Variants in RPRD1A observed in about 807,000 individuals in gnomAD.
RPRD1A encodes regulation of nuclear pre-mRNA domain containing 1A, also known as regulation of nuclear pre-mRNA domain-containing protein 1A.
RPRD1A carries 9 observed loss-of-function variants against 37.8 expected under a neutral mutation model. The ratio of observed to expected loss-of-function variants is 0.24; its 90% CI spans 0.14 to 0.42. The LOEUF (loss-of-function observed/expected upper bound fraction) is 0.42. Among genes scored for constraint, RPRD1A ranks in the 10% least tolerant of loss-of-function variants. The pLI is 1.00. For missense variants in RPRD1A, 255 were observed against 371.0 expected (o/e 0.69, Z 2.57); for synonymous variants, 138 against 139.7 (o/e 0.99, Z 0.08).
chr18:36,057,753 C>T (rs998092872), intron 1 of RPRD1A, among the ~76,000 whole-genome samples: 5 of 152,192 alleles, frequency 3.3e-5, no homozygotes, highest in African/African-American at 1.2e-4. Flanking sequence ...ATGATTACAA[C>T]AGCTAAAACC....
At chr18:36,049,537 G>A (rs935880735) in intron 1 of RPRD1A, among the ~76,000 whole-genome samples, 3 of 152,232 alleles carry the variant, frequency 2.0e-5, no homozygotes, top group South Asian at 4.1e-4. Flanking sequence ...GACTACTCTA[G>A]GTGTCTCATA....
intron 1 of RPRD1A, among the ~76,000 whole-genome samples, chr18:36,066,743 C>T (rs1338798757): frequency 1.3e-5 from 2 of 152,152 alleles, no homozygotes; most frequent in African/African-American, 4.8e-5. Context: ...CAATTGAGAC[C>T]CTCTAAAATC....
intron 1 of RPRD1A, among the ~76,000 whole-genome samples, chr18:36,064,599 G>C (rs74788048): frequency 6.6e-6 from 1 of 151,964 alleles, no homozygotes; most frequent in Non-Finnish European, 1.5e-5. Context: ...AATCAGTGCT[G>C]TGTGTCTCGC....
chr18:36,058,290 G>A (rs145030548), intron 1 of RPRD1A, among the ~76,000 whole-genome samples: 2,074 of 152,110 alleles, frequency 0.014, 55 homozygotes, highest in African/African-American at 0.047. Context: ...CAATCCACCC[G>A]CCTCAGCCTC....
intron 1 of RPRD1A, among the ~76,000 whole-genome samples, chr18:36,050,851 T>TTCTTC (rs909750387): frequency 9.2e-5 from 13 of 141,356 alleles, no homozygotes; most frequent in Non-Finnish European, 1.8e-4. Context: ...GAATCAATTT[T>TTCTTC]TCTTTTCTTT....
chr18:36,007,502 GAGA>G lies in RPRD1A; in HGVS notation c.790-14205_790-14203del, dbSNP rs546319843. ...CCAGTGATCGGAATGCAGGGATTCA[GAGA>G]AGGACACTGCTTCTTTACATCTCAC... is the stretch of plus-strand genomic sequence containing the variant. On this transcript the variant is annotated intron_variant, in intron 6 of 6. Transcript: ENST00000399022. 1.1e-3 allele frequency among the ~76,000 whole-genome samples: 175 copies of G among 152,322 alleles called. 1 individual carries two copies. Among genetic ancestry groups the G allele is most frequent in the African/African-American group, 4.1e-3 (170 of 41,578 alleles).
intron 6 of RPRD1A, among the ~76,000 whole-genome samples, chr18:35,995,150 C>T (rs1908952603): frequency 6.6e-6 from 1 of 151,636 alleles, no homozygotes; most frequent in Admixed American, 6.6e-5. Context: ...CCACTTTTTT[C>T]TTATGAAAAT....
intron 2 of RPRD1A, among the ~76,000 whole-genome samples, chr18:36,033,086 G>A (rs1317864450): frequency 2.0e-5 from 3 of 151,904 alleles, no homozygotes; most frequent in East Asian, 1.9e-4. Context: ...GGTGGATCAC[G>A]AGGTCAGGAG....
At chr18:36,003,992 G>C (rs775256493) in intron 6 of RPRD1A, among the ~76,000 whole-genome samples, 3 of 141,824 alleles carry the variant, frequency 2.1e-5, no homozygotes, top group Non-Finnish European at 4.5e-5. Context: ...CAGACAGACA[G>C]ACACAGACTT....
chr18:35,996,788 G>A (rs1909090335), intron 6 of RPRD1A, among the ~76,000 whole-genome samples: 1 of 151,662 alleles, frequency 6.6e-6, no homozygotes, highest in Admixed American at 6.6e-5. Flanking sequence ...ACCAGCCTGG[G>A]CAATAAGGTG....
At chr18:36,063,679 C>G (rs2144434449) in intron 1 of RPRD1A, among the ~76,000 whole-genome samples, 1 of 152,264 alleles carries the variant, frequency 6.6e-6, no homozygotes, top group South Asian at 2.1e-4. Context: ...AAAAGAATGT[C>G]TGGTACTCAG....
chr18:36,019,572 CATGT>C lies in RPRD1A; in HGVS notation c.789+7324_789+7327del, dbSNP rs574066428. ...GGGTGGTTTGGCAGCAGTTATGAAACATGTATGTTACAGTTCTACTTAATTAAGA... is the reference window on the plus strand; with the variant it reads ...GGGTGGTTTGGCAGCAGTTATGAAACATGTTACAGTTCTACTTAATTAAGA... On this transcript the variant is annotated intron_variant, in intron 6 of 6. Transcript: ENST00000399022. 3.0e-4 allele frequency among the ~76,000 whole-genome samples: 46 copies of C among 152,222 alleles called. No homozygotes were observed. In the East Asian group the frequency reaches 8.7e-3, roughly 29 times the overall value.
intron 6 of RPRD1A, among the ~76,000 whole-genome samples, chr18:36,010,004 G>T (rs977323948): frequency 2.6e-5 from 4 of 151,982 alleles, no homozygotes; most frequent in African/African-American, 9.7e-5. Context: ...CAACAGACAT[G>T]TAATGTAGTA....
At chr18:36,016,422 C>T (rs1910579980) in intron 6 of RPRD1A, among the ~76,000 whole-genome samples, 1 of 152,146 alleles carries the variant, frequency 6.6e-6, no homozygotes. Context: ...AGGGTTTCTC[C>T]ATGTTGGTCA....
intron 6 of RPRD1A, among the ~76,000 whole-genome samples, chr18:35,995,455 A>G (rs922952856): frequency 6.6e-6 from 1 of 151,866 alleles, no homozygotes; most frequent in Admixed American, 6.6e-5. Flanking sequence ...TTTAGTAGAG[A>G]TGGGGTTTCT....
At chr18:36,066,041 T>TTG (rs547207581) in intron 1 of RPRD1A, among the ~76,000 whole-genome samples, 300 of 152,324 alleles carry the variant, frequency 2.0e-3, no homozygotes, top group African/African-American at 7.0e-3. Flanking sequence ...ATTCCTGACT[T>TTG]TTCAAAGTTC....
At chr18:36,025,628 G>C (rs1312810029) in intron 6 of RPRD1A, 2 of 1,288,244 alleles carry the variant, frequency 1.6e-6, no homozygotes. Flanking sequence ...TTAGCAGGAA[G>C]AATATACTAA....
At chr18:36,044,619 T>C (rs944727322) in intron 1 of RPRD1A, among the ~76,000 whole-genome samples, 1 of 151,670 alleles carries the variant, frequency 6.6e-6, no homozygotes, top group Non-Finnish European at 1.5e-5. Context: ...ACCCAGGAGG[T>C]GGAGGTTACA....
intron 6 of RPRD1A, among the ~76,000 whole-genome samples, chr18:36,023,910 C>CTT (rs1390419222): frequency 2.6e-5 from 4 of 152,282 alleles, no homozygotes; most frequent in Admixed American, 1.3e-4. Flanking sequence ...AATACTTAGA[C>CTT]AACAGTAAAG....
Sources: gnomAD v4.1 joint callset for allele counts (sites outside exome capture counted in the v4.1 genomes callset) on GRCh38, gnomAD v4.1.1 for gene constraint, MANE v1.5 for transcripts, NCBI Gene and HGNC (gene_info 2026-07-23, HGNC 2026-07-21) for gene names.